Variants in KIAA2012 observed in about 807,000 individuals in gnomAD.
KIAA2012 encodes the protein KIAA2012.
Under a neutral mutation model 150.6 loss-of-function variants are expected in KIAA2012, and 125 were observed. The ratio of observed to expected loss-of-function variants is 0.83; its 90% CI spans 0.72 to 0.96. KIAA2012 has a LOEUF of 0.96. Among genes scored for constraint, KIAA2012 ranks in the 40% least tolerant of loss-of-function variants. KIAA2012 has a pLI of 0.00. For synonymous variants in KIAA2012, 462 were observed against 504.7 expected (o/e 0.92, Z 1.13); for missense variants, 1,219 against 1,354.9 (o/e 0.90, Z 1.57).
At chr2:202,138,358 A>C in intron 12 of KIAA2012, 74 bp from the exon 13 acceptor site, 1 of 828,656 alleles carries the variant, frequency 1.2e-6, no homozygotes, top group Non-Finnish European at 1.9e-6. Flanking sequence ...GTGTGTGTGT[A>C]TGGTATATAT....
At chr2:202,201,930 C>T (rs1223018799) in intron 22 of KIAA2012, 1 of 792,836 alleles carries the variant, frequency 1.3e-6, no homozygotes, top group Non-Finnish European at 2.2e-6. Context: ...GGACGGTTAT[C>T]TTTTCCGTCC....
intron 11 of KIAA2012, among the ~76,000 whole-genome samples, chr2:202,118,657 C>T (rs1248881478): frequency 6.6e-6 from 1 of 152,164 alleles, no homozygotes; most frequent in Non-Finnish European, 1.5e-5. Context: ...CAGGAGATTC[C>T]CATCAGGCTT....
chr2:202,178,055 T>G (rs1431555574), intron 15 of KIAA2012, among the ~76,000 whole-genome samples: 1 of 152,030 alleles, frequency 6.6e-6, no homozygotes, highest in African/African-American at 2.4e-5. Context: ...AAAAATAAGC[T>G]GAGCATGGTG....
At chr2:202,183,837 C>T (rs1692173640) in intron 15 of KIAA2012, among the ~76,000 whole-genome samples, 1 of 152,056 alleles carries the variant, frequency 6.6e-6, no homozygotes, top group Non-Finnish European at 1.5e-5. Flanking sequence ...ATGTTATAAC[C>T]TTTAAGAAAA....
At position 202,193,317 on chromosome 2, in the gene KIAA2012, G is replaced by C. The variant is rs1574316312; in HGVS notation, c.2828G>C (p.Arg943Thr). The C allele has an allele frequency of 6.5e-7, 1 of 1,549,568 alleles. No individual in the cohort carries two copies. The highest frequency in any genetic ancestry group is 8.7e-7 in the Non-Finnish European group (1 of 1,146,822). ...GTTTCTTAGGCCCTCCTCACTAAGA[G>C]GGAGCAGGAGAAGGCTTCCTGGGAC... ...EDPSKALLTK[R>T]EQEKASWDRL... Residue 943 changes from arginine (R) to threonine (T), a missense_variant, in exon 20 of 24, where the codon AGG becomes ACG. Physicochemically the swap from Arg to Thr is moderately conservative, Grantham distance 71. Transcript: ENST00000498697.
Position 202,088,776 on chromosome 2 carries a change from A to G in KIAA2012, c.370-1994A>G, listed in dbSNP as rs994231596. Among the ~76,000 whole-genome samples, 45 of 152,262 alleles carry G rather than the reference A, an allele frequency of 3.0e-4. 1 individual carries two copies. The highest frequency in any genetic ancestry group is 2.2e-3 in the Admixed American group (34 of 15,292). On this transcript the variant is annotated intron_variant, in intron 2 of 23. Transcript: ENST00000498697. ...ATTGGAACTATTTGTTCATTTATTC[A>G]TTTCCCCACAATATCGAGCCCCTAG...
chr2:202,156,701 C>T (rs550203716), intron 14 of KIAA2012, among the ~76,000 whole-genome samples: 61 of 152,190 alleles, frequency 4.0e-4, no homozygotes, highest in African/African-American at 1.2e-3. Context: ...CTGGCTAACA[C>T]GGTGAAACCC....
intron 11 of KIAA2012, among the ~76,000 whole-genome samples, chr2:202,117,912 G>A (rs1690567078): frequency 6.6e-6 from 1 of 152,094 alleles, no homozygotes; most frequent in Non-Finnish European, 1.5e-5. Context: ...TTTTGGTAAA[G>A]CATCATGTGG....
At chr2:202,108,851 TTTA>T (rs1466204570) in intron 9 of KIAA2012, among the ~76,000 whole-genome samples, 1 of 152,238 alleles carries the variant, frequency 6.6e-6, no homozygotes, top group Non-Finnish European at 1.5e-5. Context: ...GAAGCCAATT[TTTA>T]AACCCAAATA....
chr2:202,186,710 C>T (rs1016373576), intron 16 of KIAA2012, among the ~76,000 whole-genome samples: 1 of 152,190 alleles, frequency 6.6e-6, no homozygotes, highest in Non-Finnish European at 1.5e-5. Flanking sequence ...TTATCCCACT[C>T]TCTAAATTTT....
intron 19 of KIAA2012, among the ~76,000 whole-genome samples, chr2:202,191,830 G>T (rs1314366128): frequency 2.0e-5 from 3 of 152,158 alleles, no homozygotes; most frequent in Non-Finnish European, 2.9e-5. Context: ...TACCACACTT[G>T]TGAGCCAGGT....
At position 202,132,747 on chromosome 2, in the gene KIAA2012, A is replaced by AGTATATATGTGTATATATAGTATATAT. The variant is rs1553556814; in HGVS notation, c.1832-5675_1832-5674insGTATATATAGTATATATGTATATATGT. On this transcript the variant is annotated intron_variant, in intron 12 of 23. Transcript: ENST00000498697. ...ATATATAGTATATATGTATATATAT[A>AGTATATATGTGTATATATAGTATATAT]GTATATATGTATATATATACATATA... Among the ~76,000 whole-genome samples, 37 of 104,364 alleles carry AGTATATATGTGTATATATAGTATATAT rather than the reference A, an allele frequency of 3.5e-4. 1 individual carries two copies. Among genetic ancestry groups the AGTATATATGTGTATATATAGTATATAT allele is most frequent in the African/African-American group, 9.5e-4 (25 of 26,440 alleles). The allele number at this position is 104,364 out of a possible 152,430, so 68.5% of individuals were successfully genotyped here. A position where few individuals can be genotyped will look rare whatever the true frequency, so the allele number is the denominator to read the frequency against.
chr2:202,184,952 G>A, intron 16 of KIAA2012, 109 bp downstream of exon 16: 1 of 775,770 alleles, frequency 1.3e-6, no homozygotes, highest in East Asian at 3.0e-5. Context: ...GTTCTCAGCT[G>A]ACAGTATGCT....
In KIAA2012 at chr2:202,202,924, C is replaced by A. The variant is rs376119401; in HGVS notation, c.*20+337C>A. The stretch of plus-strand genomic sequence containing the variant: ...CCTGGGTGACAGAGTGGGACCCTGT[C>A]TCTTAAGAAAAAAAAAAAAAAAGTT... On this transcript the variant is annotated intron_variant, in intron 23 of 23. Transcript: ENST00000498697. 2.1e-4 allele frequency among the ~76,000 whole-genome samples: 31 copies of A among 146,788 alleles called. No individual in the cohort carries two copies. The East Asian group carries it at 4.7e-3, about 22-fold the overall frequency.
At chr2:202,096,297 G>A (rs1689883283) in intron 4 of KIAA2012, among the ~76,000 whole-genome samples, 1 of 152,108 alleles carries the variant, frequency 6.6e-6, no homozygotes, top group African/African-American at 2.4e-5. Flanking sequence ...GGTCCTCTTA[G>A]GAGCAGGCCT....
rs555517845 is a variant in KIAA2012, at chr2:202,085,341, G to A, written c.370-5429G>A. Among the ~76,000 whole-genome samples the A allele has an allele frequency of 1.1e-4, 17 of 152,292 alleles. No homozygotes were observed. In the South Asian group the frequency reaches 1.4e-3, roughly 13 times the overall value. ...AAGGTTATCATCAATAGATGGCCTC[G>A]AAATGGGGATATTATCTTGGATGAT... is the stretch of plus-strand genomic sequence containing the variant. On this transcript the variant is annotated intron_variant, in intron 2 of 23. Coordinates refer to ENST00000498697, the MANE Select transcript of KIAA2012 (RefSeq NM_001277372.4).
rs138594737 is a variant in KIAA2012 at position 202,121,228 on chromosome 2, G to A, written c.1763-3986G>A. 9.1e-4 allele frequency among the ~76,000 whole-genome samples: 139 copies of A among 152,276 alleles called. 1 individual carries two copies. The highest frequency in any genetic ancestry group is 3.1e-3 in the African/African-American group (130 of 41,558). On this transcript the variant is annotated intron_variant, in intron 11 of 23. Coordinates refer to ENST00000498697, the MANE Select transcript of KIAA2012 (RefSeq NM_001277372.4). Reference sequence around the variant, plus strand: ...TTTACGGAGCAGAGCCACCCTGATCGGCCTGCCTGCCTACCTCTGGACTTG... The same window carrying A: ...TTTACGGAGCAGAGCCACCCTGATCAGCCTGCCTGCCTACCTCTGGACTTG...
At position 202,133,113 on chromosome 2, in the gene KIAA2012, T is replaced by A. The variant is rs373745242; in HGVS notation, c.1832-5319T>A. The stretch of plus-strand genomic sequence containing the variant: ...GTGTGAGACTGTCTAAAAAAAAATA[T>A]ATATATATATATATATATTTTTTTT... On this transcript the variant is annotated intron_variant, in intron 12 of 23. Coordinates refer to ENST00000498697, the MANE Select transcript of KIAA2012 (RefSeq NM_001277372.4). Among the ~76,000 whole-genome samples, 133 of 61,502 alleles carry A rather than the reference T, an allele frequency of 2.2e-3. 3 individuals are homozygous for A. Among genetic ancestry groups the A allele is most frequent in the African/African-American group, 5.2e-3 (69 of 13,276 alleles). The allele number at this position is 61,502 out of a possible 152,430, so 40.3% of individuals were successfully genotyped here.
intron 15 of KIAA2012, among the ~76,000 whole-genome samples, chr2:202,176,193 A>G (rs1574307158): frequency 6.7e-6 from 1 of 149,604 alleles, no homozygotes; most frequent in African/African-American, 2.5e-5. Flanking sequence ...AAAGAAAATT[A>G]TTGATAAATC....
Sources: allele counts gnomAD v4.1 joint callset (sites outside exome capture counted in the v4.1 genomes callset), GRCh38; gene constraint gnomAD v4.1.1; transcripts MANE v1.5; gene names NCBI Gene and HGNC (gene_info 2026-07-23, HGNC 2026-07-21).